The following KCNJ4 variants were observed in gnomAD, a reference collection of about 807,000 sequenced individuals.
KCNJ4 encodes the protein potassium inwardly rectifying channel subfamily J member 4, also known as inward rectifier potassium channel 4.
In KCNJ4, 3 loss-of-function variants were observed where a neutral mutation model predicts 25.6. The ratio of observed to expected loss-of-function variants is 0.12; its 90% CI spans 0.05 to 0.30. The LOEUF (loss-of-function observed/expected upper bound fraction) is 0.30, where lower values mean the gene tolerates loss of function less well. Among genes scored for constraint, KCNJ4 ranks in the 10% least tolerant of loss-of-function variants. The pLI, the probability that KCNJ4 is intolerant of heterozygous loss-of-function variation, is 1.00. For synonymous variants in KCNJ4, 257 were observed against 283.9 expected (o/e 0.91, Z 0.95); for missense variants, 286 against 666.8 (o/e 0.43, Z 6.29).
Position 38,449,828 on chromosome 22 carries a change from C to T in KCNJ4, c.-40+5152G>A, listed in dbSNP as rs1047269089. On this transcript the variant is annotated intron_variant, in intron 1 of 1. Transcript: ENST00000303592. The surrounding 1 kb of genome is among the most constrained non-coding windows in gnomAD (Gnocchi z 5.2). ...TCTTCCAGGTTCACGACAGGGACCC[C>T]GTGTTGGGCCACGGGGCCAGGATTG... 1.3e-5 allele frequency among the ~76,000 whole-genome samples: 2 copies of T among 152,242 alleles called. No individual in the cohort carries two copies. Among genetic ancestry groups the T allele is most frequent in the South Asian group, 2.1e-4 (1 of 4,834 alleles).
At chr22:38,435,490 C>T (rs1467592937) in intron 1 of KCNJ4, among the ~76,000 whole-genome samples, 2 of 151,958 alleles carry the variant, frequency 1.3e-5, no homozygotes, top group Admixed American at 1.3e-4. Context: ...GTCAGGAGTT[C>T]GAGACCAGCC....
At chr22:38,444,886 G>T (rs2089362926) in intron 1 of KCNJ4, among the ~76,000 whole-genome samples, 1 of 152,188 alleles carries the variant, frequency 6.6e-6, no homozygotes, top group Non-Finnish European at 1.5e-5. Flanking sequence ...AGCTGGAACA[G>T]CATCTGCCTT....
intron 1 of KCNJ4, among the ~76,000 whole-genome samples, chr22:38,451,064 T>C (rs953841412): frequency 3.3e-5 from 5 of 152,174 alleles, no homozygotes; most frequent in Admixed American, 2.0e-4. Flanking sequence ...CAAATCAACA[T>C]TGCCATGGAG....
chr22:38,445,852 C>G (rs2089370783), intron 1 of KCNJ4, among the ~76,000 whole-genome samples: 2 of 152,156 alleles, frequency 1.3e-5, no homozygotes, highest in Non-Finnish European at 2.9e-5. Flanking sequence ...GAAATGGGAT[C>G]CGGCGTGTGT....
At chr22:38,445,591 G>A (rs1179950596) in intron 1 of KCNJ4, among the ~76,000 whole-genome samples, 6 of 152,038 alleles carry the variant, frequency 3.9e-5, no homozygotes, top group Non-Finnish European at 7.4e-5. Context: ...CCATCCTCCC[G>A]CCTCGGCCTC....
Position 38,443,295 on chromosome 22 carries a change from T to C in KCNJ4, c.-40+11685A>G, listed in dbSNP as rs1031250993. ...CCGCCATCCCACCTCCCTTCTCTTC[T>C]CCCCAGTCCTGTGATCTCATCCAGT... On this transcript the variant is annotated intron_variant, in intron 1 of 1. Coordinates refer to ENST00000303592, the MANE Select transcript of KCNJ4 (RefSeq NM_152868.3). This position sits in a 1 kb window ranked among gnomAD's most constrained non-coding sequence, Gnocchi z 4.1. Among the ~76,000 whole-genome samples, 3 of 151,998 alleles carry C rather than the reference T, an allele frequency of 2.0e-5. No homozygotes were observed. The highest frequency in any genetic ancestry group is 4.4e-5 in the Non-Finnish European group (3 of 68,010).
intron 1 of KCNJ4, among the ~76,000 whole-genome samples, chr22:38,429,718 A>C (rs979502363): frequency 6.6e-6 from 1 of 151,644 alleles, no homozygotes; most frequent in African/African-American, 2.4e-5. Context: ...CCTTCTCTCC[A>C]CCCCTCTCTG....
intron 1 of KCNJ4, among the ~76,000 whole-genome samples, chr22:38,451,683 C>T (rs1366624695): frequency 6.6e-6 from 1 of 152,174 alleles, no homozygotes; most frequent in East Asian, 1.9e-4. Flanking sequence ...CAGGCCCTGG[C>T]CCTGCTTCCT....
Position 38,427,438 on chromosome 22 carries a change from C to T in KCNJ4, c.695G>A (p.Gly232Asp). ...QLIKPYMTQE[G>D]EYLPLDQRDL... ...CCGCTGGTCCAGGGGCAGGTACTCG[C>T]CCTCCTGGGTCATGTAGGGCTTGAT... is the stretch of plus-strand genomic sequence containing the variant. The change falls in exon 2 of 2, where the codon GGC (glycine) becomes GAC (aspartate). Residue 232 changes from glycine to aspartate, a missense_variant. Physicochemically the swap from Gly to Asp is moderately conservative, Grantham distance 94. This residue lies in a region of KCNJ4 where 39 missense variants were observed against 100.9 expected (regional missense o/e 0.39). Coordinates refer to ENST00000303592, the MANE Select transcript of KCNJ4 (RefSeq NM_152868.3). 6.2e-7 allele frequency: 1 copy of T among 1,613,664 alleles called. No homozygotes were observed. Among genetic ancestry groups the T allele is most frequent in the Non-Finnish European group, 8.5e-7 (1 of 1,179,816 alleles).
At chr22:38,450,362 G>A (rs557679904) in intron 1 of KCNJ4, among the ~76,000 whole-genome samples, 2 of 152,222 alleles carry the variant, frequency 1.3e-5, no homozygotes, top group South Asian at 4.1e-4. Context: ...CACATGGATG[G>A]GTGGACATCA....
rs1003268163 is a variant in KCNJ4, at chr22:38,449,506, T to G, written c.-40+5474A>C. Among the ~76,000 whole-genome samples, 12 of 152,144 alleles carry G rather than the reference T, an allele frequency of 7.9e-5. No individual in the cohort carries two copies. The highest frequency in any genetic ancestry group is 5.8e-4 in the East Asian group (3 of 5,184). On this transcript the variant is annotated intron_variant, in intron 1 of 1. Transcript: ENST00000303592. This position sits in a 1 kb window ranked among gnomAD's most constrained non-coding sequence, Gnocchi z 5.2. The stretch of plus-strand genomic sequence containing the variant: ...AGCCACCAAGCAACGGCACCAGCCA[T>G]CTGAGCAGCCCTCACGCATGCGCAT...
chr22:38,427,004 G>A lies in KCNJ4; in HGVS notation c.1129C>T (p.Leu377=). 1 of 1,612,752 alleles carries A rather than the reference G, an allele frequency of 6.2e-7. No homozygotes were observed. Among genetic ancestry groups the A allele is most frequent in the African/African-American group, 1.3e-5 (1 of 75,032 alleles). ...PPSAFCYENE[L]ALMSQEEEEM... The stretch of plus-strand genomic sequence containing the variant: ...TCTTCCTCCTGGCTCATAAGGGCCA[G>A]CTCGTTCTCGTAGCAGAAGGCACTG... The change falls in exon 2 of 2, where the codon CTG becomes TTG. Residue 377 remains leucine (L), a synonymous_variant. Transcript: ENST00000303592.
At chr22:38,438,227 G>A (rs556132871) in intron 1 of KCNJ4, among the ~76,000 whole-genome samples, 170 of 113,520 alleles carry the variant, frequency 1.5e-3, no homozygotes, top group African/African-American at 5.9e-3. Context: ...GCGACAGAGC[G>A]ATACTCTGTC....
intron 1 of KCNJ4, among the ~76,000 whole-genome samples, chr22:38,451,427 C>T (rs990703274): frequency 3.9e-5 from 6 of 152,190 alleles, no homozygotes; most frequent in Admixed American, 6.5e-5. Context: ...TTGCCTGGGA[C>T]TGCCTGAAAC....
At chr22:38,451,982 T>C (rs757385315) in intron 1 of KCNJ4, among the ~76,000 whole-genome samples, 15 of 152,234 alleles carry the variant, frequency 9.9e-5, no homozygotes, top group Non-Finnish European at 2.1e-4. Context: ...TGAGTGTCTA[T>C]GGTTTCAGAG....
chr22:38,446,601 C>G (rs1004562455), intron 1 of KCNJ4, among the ~76,000 whole-genome samples: 9 of 152,154 alleles, frequency 5.9e-5, no homozygotes, highest in African/African-American at 2.2e-4. Context: ...TTCATATCAA[C>G]GAGCTATGAT....
chr22:38,426,630 G>C lies in KCNJ4; in HGVS notation c.*165C>G. The stretch of plus-strand genomic sequence containing the variant: ...GGCCGAGCTCTTCCCAGGCCTGGGT[G>C]CTGGAGTCAGGAGGAAGGGGTCCCC... On this transcript the variant is annotated 3_prime_UTR_variant, in exon 2 of 2. Coordinates refer to ENST00000303592, the MANE Select transcript of KCNJ4 (RefSeq NM_152868.3). 1 of 858,230 alleles carries C rather than the reference G, an allele frequency of 1.2e-6. No individual in the cohort carries two copies. Among genetic ancestry groups the C allele is most frequent in the Non-Finnish European group, 1.8e-6 (1 of 548,838 alleles). 53.2% of individuals were successfully genotyped at this position (858,230 alleles called of 1,614,324 possible).
In KCNJ4 at chr22:38,426,662, T is replaced by C; in HGVS notation, c.*133A>G. The C allele has an allele frequency of 4.2e-6, 5 of 1,197,702 alleles. 1 individual carries two copies. The South Asian group carries it at 7.5e-5, about 18-fold the overall frequency. 74.2% of individuals were successfully genotyped at this position (1,197,702 alleles called of 1,614,324 possible). On this transcript the variant is annotated 3_prime_UTR_variant, in exon 2 of 2. Transcript: ENST00000303592. ...TCAGGAGGAAGGGGTCCCCCAGTCT[T>C]TGAAACCCCCACCTTCCTCCAGAAG...
At chr22:38,438,334 A>G (rs1302824148) in intron 1 of KCNJ4, among the ~76,000 whole-genome samples, 1 of 150,056 alleles carries the variant, frequency 6.7e-6, no homozygotes, top group East Asian at 2.0e-4. Context: ...TGGGAGGCAG[A>G]GGTTGAGGTC....
Sources: allele counts gnomAD v4.1 joint callset (sites outside exome capture counted in the v4.1 genomes callset), GRCh38; gene constraint gnomAD v4.1.1; regional missense constraint gnomAD v4.1.1; non-coding constraint Gnocchi (gnomAD v3.1); transcripts MANE v1.5; gene names NCBI Gene and HGNC (gene_info 2026-07-23, HGNC 2026-07-21).